HPSE2: variants seen among roughly 807,000 people sequenced by gnomAD.
HPSE2 encodes heparanase 2 (inactive).
A neutral mutation model predicts 60.5 loss-of-function variants in HPSE2; 38 were observed. The ratio of observed to expected loss-of-function variants is 0.63; its 90% CI spans 0.48 to 0.82. HPSE2 has a LOEUF of 0.82. Ranked by LOEUF, HPSE2 falls within the 40% of genes least tolerant of loss-of-function variation. The pLI is 0.00. For missense variants in HPSE2, 713 were observed against 740.4 expected (o/e 0.96, Z 0.43); for synonymous variants, 295 against 293.2 (o/e 1.01, Z -0.06).
intron 2 of HPSE2, among the ~76,000 whole-genome samples, chr10:99,185,777 AAAAAAG>A (rs1316623950): frequency 7.2e-5 from 11 of 152,148 alleles, no homozygotes; most frequent in East Asian, 5.8e-4. Flanking sequence ...CCATCTCAAA[AAAAAAG>A]AAAAAGAAAA....
At chr10:99,135,414 A>G (rs1476836376) in intron 3 of HPSE2, among the ~76,000 whole-genome samples, 2 of 152,256 alleles carry the variant, frequency 1.3e-5, no homozygotes, top group South Asian at 2.1e-4. Context: ...CATCATTCTC[A>G]GCACCACATC....
chr10:98,459,695 C>T lies in HPSE2; in HGVS notation c.1658G>A (p.Gly553Glu). 1 of 1,614,038 alleles carries T rather than the reference C, an allele frequency of 6.2e-7. No individual in the cohort carries two copies. Among genetic ancestry groups the T allele is most frequent in the South Asian group, 1.1e-5 (1 of 91,060 alleles). Reference protein sequence around the residue: ...NGQPLVMVDDGTLPELKPRPL... With the variant: ...NGQPLVMVDDETLPELKPRPL... ...GCGGGGCTTCAATTCTGGGAGGGTC[C>T]CGTCGTCCACCATCACTAAGGGCTG... The change falls in exon 12 of 12, where the codon GGG (glycine) becomes GAG (glutamate). Residue 553 changes from glycine (G) to glutamate (E), a missense_variant. Transcript: ENST00000370552.
intron 9 of HPSE2, among the ~76,000 whole-genome samples, chr10:98,500,045 A>G (rs1211371494): frequency 6.6e-6 from 1 of 152,198 alleles, no homozygotes; most frequent in Non-Finnish European, 1.5e-5. Flanking sequence ...GACCTAAGAA[A>G]TAAGATAGAC....
At position 98,655,511 on chromosome 10, in the gene HPSE2, G is replaced by A. The variant is rs557288560; in HGVS notation, c.1005-13571C>T. Among the ~76,000 whole-genome samples, 119 of 152,260 alleles carry A rather than the reference G, an allele frequency of 7.8e-4. 1 individual carries two copies. The highest frequency in any genetic ancestry group is 2.7e-3 in the African/African-American group (112 of 41,562). On this transcript the variant is annotated intron_variant, in intron 6 of 11. Transcript: ENST00000370552. ...ATTCACCTGTCTCTCCAGATTTCAG[G>A]GTGGTGTTTGCTCTGCAACATCAAT...
chr10:99,131,484 T>C (rs778798200), intron 3 of HPSE2, among the ~76,000 whole-genome samples: 9 of 152,036 alleles, frequency 5.9e-5, no homozygotes, highest in African/African-American at 9.7e-5. Context: ...TATATATTTA[T>C]ATATGTGTAT....
the HPSE2 span, among the ~76,000 whole-genome samples, chr10:99,304,547 G>T: frequency 6.6e-6 from 1 of 152,220 alleles, no homozygotes; most frequent in African/African-American, 2.4e-5. Flanking sequence ...TTTGGGGCTT[G>T]CCTGCCCTGC....
chr10:98,607,527 C>T (rs1048946524), intron 9 of HPSE2, among the ~76,000 whole-genome samples: 11 of 152,156 alleles, frequency 7.2e-5, no homozygotes, highest in African/African-American at 2.7e-4. Context: ...AGCCTGGTTA[C>T]TGCCTTAATT....
intron 3 of HPSE2, among the ~76,000 whole-genome samples, chr10:98,943,791 G>T (rs549920834): frequency 2.6e-5 from 4 of 152,100 alleles, no homozygotes; most frequent in Non-Finnish European, 5.9e-5. Context: ...CCATGGGAAT[G>T]ATTTTCTAAA....
chr10:98,674,229 T>C (rs550303030), intron 6 of HPSE2, among the ~76,000 whole-genome samples: 26 of 152,340 alleles, frequency 1.7e-4, no homozygotes, highest in African/African-American at 5.5e-4. Flanking sequence ...AAAACACTAA[T>C]GTGCATGCAA....
intron 3 of HPSE2, among the ~76,000 whole-genome samples, chr10:98,885,682 A>G (rs1403944361): frequency 6.6e-6 from 1 of 152,112 alleles, no homozygotes; most frequent in Non-Finnish European, 1.5e-5. Flanking sequence ...TTTTGCCACT[A>G]AAGTTTTTTT....
intron 3 of HPSE2, among the ~76,000 whole-genome samples, chr10:98,810,871 C>T (rs1358802531): frequency 4.6e-5 from 7 of 152,000 alleles, no homozygotes; most frequent in African/African-American, 9.7e-5. Context: ...ACATGCAGCC[C>T]GTGGGCCATG....
intron 2 of HPSE2, among the ~76,000 whole-genome samples, chr10:99,184,825 G>T (rs1294661538): frequency 0.43 from 14,769 of 34,604 alleles, 4,404 homozygotes; most frequent in Non-Finnish European, 0.65. Context: ...TATATAGAGA[G>T]AGAGAGAGAG....
chr10:98,603,439 G>GTT (rs58750714), intron 9 of HPSE2, among the ~76,000 whole-genome samples: 28,375 of 144,046 alleles, frequency 0.2, 3,233 homozygotes, highest in Non-Finnish European at 0.24. Context: ...CTGTTTTTTT[G>GTT]TTTTTTTTTT....
Position 98,649,893 on chromosome 10 carries a change from T to C in HPSE2, c.1005-7953A>G, listed in dbSNP as rs560248685. On this transcript the variant is annotated intron_variant, in intron 6 of 11. Coordinates refer to ENST00000370552, the MANE Select transcript of HPSE2 (RefSeq NM_021828.5). ...TCAGGCTGCGATTCTTGAGAGATGG[T>C]AGGGCACCTGAGGTGAACTTCAGAT... Among the ~76,000 whole-genome samples, 4 of 152,168 alleles carry C rather than the reference T, an allele frequency of 2.6e-5. No homozygotes were observed. The South Asian group carries it at 6.2e-4, about 24-fold the overall frequency.
At chr10:98,834,061 A>T (rs1228509396) in intron 3 of HPSE2, among the ~76,000 whole-genome samples, 1 of 152,156 alleles carries the variant, frequency 6.6e-6, no homozygotes, top group Non-Finnish European at 1.5e-5. Flanking sequence ...ATCACTAAGA[A>T]AGAAAAAAAA....
At chr10:99,042,711 G>C (rs1957768392) in intron 3 of HPSE2, among the ~76,000 whole-genome samples, 1 of 151,812 alleles carries the variant, frequency 6.6e-6, no homozygotes, top group African/African-American at 2.4e-5. Context: ...GCCAGAGAGA[G>C]CCCCGTGGCC....
At position 99,184,813 on chromosome 10, in the gene HPSE2, TATATATAGAGAGAGAGAGAG is replaced by T. The variant is rs1477069712; in HGVS notation, c.449-40434_449-40415del. On this transcript the variant is annotated intron_variant, in intron 2 of 11. Coordinates refer to ENST00000370552, the MANE Select transcript of HPSE2 (RefSeq NM_021828.5). Reference sequence around the variant, plus strand: ...ATATATATATATATATATATATATATATATATAGAGAGAGAGAGAGAGAGAGAGAGAGAGAGAGAGAGAGA... The same window carrying T: ...ATATATATATATATATATATATATATAGAGAGAGAGAGAGAGAGAGAGAGA... 1.9e-3 allele frequency among the ~76,000 whole-genome samples: 59 copies of T among 30,968 alleles called. 6 individuals are homozygous for T. Among genetic ancestry groups the T allele is most frequent in the Admixed American group, 4.8e-3 (12 of 2,486 alleles). 20.3% of individuals were successfully genotyped at this position (30,968 alleles called of 152,430 possible). A position where few individuals can be genotyped will look rare whatever the true frequency, so the allele number is the denominator to read the frequency against.
At chr10:98,636,164 TAGA>T (rs1946493846) in intron 7 of HPSE2, among the ~76,000 whole-genome samples, 2 of 152,194 alleles carry the variant, frequency 1.3e-5, no homozygotes, top group Admixed American at 1.3e-4. Context: ...TTCTAATGGC[TAGA>T]AGATTTCGAA....
chr10:99,172,532 C>T (rs1211367492), intron 2 of HPSE2, among the ~76,000 whole-genome samples: 1 of 152,178 alleles, frequency 6.6e-6, no homozygotes, highest in African/African-American at 2.4e-5. Context: ...GTCCTATCTA[C>T]CCTCAAGGAG....
Sources: gnomAD v4.1 joint callset for allele counts (sites outside exome capture counted in the v4.1 genomes callset) on GRCh38, gnomAD v4.1.1 for gene constraint, MANE v1.5 for transcripts, NCBI Gene and HGNC (gene_info 2026-07-23, HGNC 2026-07-21) for gene names.